PITPNC1: variants seen among roughly 807,000 people sequenced by gnomAD.
PITPNC1 encodes the protein phosphatidylinositol transfer protein cytoplasmic 1.
A neutral mutation model predicts 44.7 loss-of-function variants in PITPNC1; 18 were observed. That is an observed-to-expected ratio of 0.40 (90% CI 0.28 to 0.60). The LOEUF is 0.60. PITPNC1 is among the 20% of genes least tolerant of loss of function. PITPNC1 has a pLI of 0.39. For synonymous variants in PITPNC1, 141 were observed against 149.6 expected (o/e 0.94, Z 0.42); for missense variants, 290 against 418.4 (o/e 0.69, Z 2.68).
At chr17:67,436,908 GTTTTTT>G (rs1044625193) in intron 1 of PITPNC1, among the ~76,000 whole-genome samples, 6 of 68,458 alleles carry the variant, frequency 8.8e-5, no homozygotes, top group Admixed American at 3.7e-4. Flanking sequence ...AAATAGGGGT[GTTTTTT>G]TTTTTTTTTT....
intron 8 of PITPNC1, among the ~76,000 whole-genome samples, chr17:67,681,593 AGC>A (rs1166654442): frequency 7.5e-6 from 1 of 132,526 alleles, no homozygotes; most frequent in African/African-American, 2.8e-5. Context: ...TAGGTGACAG[AGC>A]AAAACCCTAT....
chr17:67,425,404 C>A (rs921827388), intron 1 of PITPNC1, among the ~76,000 whole-genome samples: 2 of 151,336 alleles, frequency 1.3e-5, no homozygotes, highest in Admixed American at 6.6e-5. Flanking sequence ...CTTTTTTTTT[C>A]TTTTCTTTCT....
intron 2 of PITPNC1, among the ~76,000 whole-genome samples, chr17:67,546,605 G>A (rs1316105007): frequency 6.6e-6 from 1 of 152,190 alleles, no homozygotes; most frequent in Non-Finnish European, 1.5e-5. Context: ...GGGCTTCTCA[G>A]CACACTGTCC....
At chr17:67,447,013 C>G (rs1031328742) in intron 1 of PITPNC1, among the ~76,000 whole-genome samples, 1 of 143,232 alleles carries the variant, frequency 7.0e-6, no homozygotes, top group Non-Finnish European at 1.5e-5. Flanking sequence ...TCGCTTGAAC[C>G]CAGGAGGTGG....
At chr17:67,663,994 GCT>G (rs1762612148) in intron 6 of PITPNC1, among the ~76,000 whole-genome samples, 1 of 152,068 alleles carries the variant, frequency 6.6e-6, no homozygotes, top group Admixed American at 6.6e-5. Flanking sequence ...ATGGAGTCTT[GCT>G]CTGTCGCCCA....
intron 1 of PITPNC1, among the ~76,000 whole-genome samples, chr17:67,491,883 A>T (rs1261509610): frequency 6.6e-6 from 1 of 152,086 alleles, no homozygotes; most frequent in Non-Finnish European, 1.5e-5. Flanking sequence ...AGTTGCTGTG[A>T]GGTTTCTGCA....
intron 2 of PITPNC1, among the ~76,000 whole-genome samples, chr17:67,546,564 G>A (rs1292474179): frequency 6.6e-6 from 1 of 152,220 alleles, no homozygotes; most frequent in Non-Finnish European, 1.5e-5. Context: ...ACTGCTGATG[G>A]ATGATGGTGT....
At chr17:67,675,655 G>C (rs770201127) in intron 8 of PITPNC1, 113 bp downstream of exon 8, 30 of 739,950 alleles carry the variant, frequency 4.1e-5, no homozygotes, top group Non-Finnish European at 6.9e-5. Context: ...CAAGGCCGCT[G>C]CTTCCTGTGT....
intron 1 of PITPNC1, among the ~76,000 whole-genome samples, chr17:67,461,463 C>T (rs1212493453): frequency 6.6e-6 from 1 of 152,204 alleles, no homozygotes; most frequent in African/African-American, 2.4e-5. Flanking sequence ...CTTAAGGGGA[C>T]CACATACATA....
At chr17:67,428,033 G>C (rs1292711563) in intron 1 of PITPNC1, among the ~76,000 whole-genome samples, 1 of 151,868 alleles carries the variant, frequency 6.6e-6, no homozygotes, top group Admixed American at 6.6e-5. Flanking sequence ...GCCCACGCTA[G>C]AGTGCAGTGA....
Position 67,529,439 on chromosome 17 carries a change from C to T in PITPNC1, c.49-3363C>T, listed in dbSNP as rs141266208. Among the ~76,000 whole-genome samples, 604 of 152,290 alleles carry T rather than the reference C, an allele frequency of 4.0e-3. 4 individuals carry two copies. Among genetic ancestry groups the T allele is most frequent in the African/African-American group, 0.014 (573 of 41,562 alleles). ...GAGGTGTCTGCTTCTGAAGCAGGAT[C>T]GGTGCTTTTGTTTAAATTGAGGTGA... is the stretch of plus-strand genomic sequence containing the variant. On this transcript the variant is annotated intron_variant, in intron 1 of 8. Coordinates refer to ENST00000581322, the MANE Select transcript of PITPNC1 (RefSeq NM_012417.4).
chr17:67,472,826 G>C (rs948249767), intron 1 of PITPNC1, among the ~76,000 whole-genome samples: 2 of 152,000 alleles, frequency 1.3e-5, no homozygotes, highest in Non-Finnish European at 2.9e-5. Context: ...CCTACAGGGA[G>C]GGGTTTCAAA....
chr17:67,687,409 C>T (rs1229341275), intron 8 of PITPNC1, among the ~76,000 whole-genome samples: 2 of 152,106 alleles, frequency 1.3e-5, no homozygotes, highest in African/African-American at 2.4e-5. Flanking sequence ...TTATTTCGGT[C>T]ATAAAACCAA....
intron 2 of PITPNC1, among the ~76,000 whole-genome samples, chr17:67,543,394 C>T (rs2040634723): frequency 6.6e-6 from 1 of 152,204 alleles, no homozygotes; most frequent in African/African-American, 2.4e-5. Context: ...ACTGCTAAAC[C>T]GTTTTCCAAA....
At chr17:67,647,464 G>T (rs113646066) in intron 6 of PITPNC1, among the ~76,000 whole-genome samples, 5,699 of 72,270 alleles carry the variant, frequency 0.079, 629 homozygotes, top group African/African-American at 0.22. Flanking sequence ...CTAATTTTGG[G>T]TTTTTTTTTT....
intron 6 of PITPNC1, among the ~76,000 whole-genome samples, chr17:67,653,118 C>T (rs1345978892): frequency 6.6e-6 from 1 of 152,028 alleles, no homozygotes; most frequent in Non-Finnish European, 1.5e-5. Context: ...CCCATCTCTA[C>T]TAAAAATACA....
intron 2 of PITPNC1, among the ~76,000 whole-genome samples, chr17:67,545,119 C>T (rs997721985): frequency 2.0e-5 from 3 of 151,638 alleles, no homozygotes; most frequent in Non-Finnish European, 4.4e-5. Flanking sequence ...CGAGACAAGC[C>T]TGGGCAACAT....
chr17:67,431,736 G>A (rs918165848), intron 1 of PITPNC1, among the ~76,000 whole-genome samples: 5 of 152,134 alleles, frequency 3.3e-5, no homozygotes, highest in African/African-American at 1.2e-4. Context: ...CATAAACACA[G>A]AGGCATGCAT....
intron 1 of PITPNC1, among the ~76,000 whole-genome samples, chr17:67,407,529 G>T (rs901648759): frequency 6.6e-6 from 1 of 152,086 alleles, no homozygotes; most frequent in Admixed American, 6.6e-5. Context: ...TAAGGCCGAC[G>T]TGGTGGCTCA....
Sources: allele counts gnomAD v4.1 joint callset (sites outside exome capture counted in the v4.1 genomes callset), GRCh38; gene constraint gnomAD v4.1.1; transcripts MANE v1.5; gene names NCBI Gene and HGNC (gene_info 2026-07-23, HGNC 2026-07-21).